Variants in LRRC58 observed in about 807,000 individuals in gnomAD.
LRRC58 encodes the protein leucine-rich repeat-containing protein 58.
In LRRC58, 18 loss-of-function variants were observed where a neutral mutation model predicts 30.6. The ratio of observed to expected loss-of-function variants is 0.59; its 90% CI spans 0.41 to 0.87. The LOEUF is 0.87. Ranked by LOEUF, LRRC58 falls within the 40% of genes least tolerant of loss-of-function variation. LRRC58 has a pLI of 0.00. For missense variants in LRRC58, 420 were observed against 468.4 expected, an observed-to-expected ratio of 0.90 and a Z score of 0.95; for synonymous variants, 221 against 206.0, an observed-to-expected ratio of 1.07 and a Z score of -0.62.
rs923844110 is a variant in LRRC58, at chr3:120,329,536, C to G, written c.*1664G>C. On this transcript the variant is annotated 3_prime_UTR_variant, in exon 4 of 4. Coordinates refer to ENST00000295628, the MANE Select transcript of LRRC58 (RefSeq NM_001099678.2). ...ATTCTATAGCAGCGTTTCACATCTG[C>G]AGTTCATGAAACTCTCATGTTTCAT... is the stretch of plus-strand genomic sequence containing the variant. 6.6e-6 allele frequency: 1 copy of G among 151,936 alleles called. No homozygotes were observed. Among genetic ancestry groups the G allele is most frequent in the Non-Finnish European group, 1.5e-5 (1 of 67,908 alleles). The allele number at this position is 151,936 out of a possible 1,614,324, so 9.4% of individuals were successfully genotyped here.
At chr3:120,334,790 G>A (rs535231874) in intron 3 of LRRC58, 72 bp downstream of exon 3, 7 of 1,340,026 alleles carry the variant, frequency 5.2e-6, no homozygotes, top group Non-Finnish European at 5.0e-6. Context: ...GACTGCTTTT[G>A]TCTGAAAGAA....
intron 1 of LRRC58, among the ~76,000 whole-genome samples, chr3:120,342,415 C>G (rs1011917320): frequency 1.3e-5 from 2 of 152,182 alleles, no homozygotes; most frequent in Admixed American, 6.5e-5. Context: ...ATGGGGTGAC[C>G]AGCTGCAGAG....
chr3:120,338,422 TTC>T (rs1366581418), intron 1 of LRRC58, among the ~76,000 whole-genome samples: 2 of 152,216 alleles, frequency 1.3e-5, no homozygotes, highest in Non-Finnish European at 2.9e-5. Context: ...TAAGTTCAAG[TTC>T]TTGACCTGAA....
chr3:120,332,387 GTAGTTTT>G (rs1211328655), intron 3 of LRRC58, among the ~76,000 whole-genome samples: 1 of 152,116 alleles, frequency 6.6e-6, no homozygotes, highest in Non-Finnish European at 1.5e-5. Flanking sequence ...AACTAACCAT[GTAGTTTT>G]TTTTTGATCT....
intron 1 of LRRC58, among the ~76,000 whole-genome samples, chr3:120,343,859 G>A (rs1031503597): frequency 1.1e-4 from 16 of 151,900 alleles, no homozygotes; most frequent in Non-Finnish European, 1.9e-4. Context: ...GTGAAACCCC[G>A]TCTCTACTGA....
intron 1 of LRRC58, among the ~76,000 whole-genome samples, chr3:120,344,574 T>A (rs961143060): frequency 6.6e-6 from 1 of 152,244 alleles, no homozygotes; most frequent in Non-Finnish European, 1.5e-5. Context: ...CACACCCTCC[T>A]ATCTCAATCT....
chr3:120,331,682 G>A (rs751987385), intron 3 of LRRC58, among the ~76,000 whole-genome samples: 2 of 152,134 alleles, frequency 1.3e-5, no homozygotes, highest in Non-Finnish European at 2.9e-5. Flanking sequence ...TGGGAGACTT[G>A]GGGCAATGGC....
chr3:120,349,081 G>C lies in LRRC58; in HGVS notation c.163C>G (p.Arg55Gly). The C allele has an allele frequency of 6.6e-7, 1 of 1,516,558 alleles. No individual in the cohort carries two copies. Among genetic ancestry groups the C allele is most frequent in the Non-Finnish European group, 8.8e-7 (1 of 1,140,870 alleles). The allele number at this position is 1,516,558 out of a possible 1,614,324, so 93.9% of individuals were successfully genotyped here. ...AGCGCCCGTGGCAGCGACACCAGAC[G>C]GTTGTGAGGCAGCAGCAGCCGCAGC... ...ALLRLLLPHN[R>G]LVSLPRALGS... The change falls in exon 1 of 4, where the codon CGT (arginine) becomes GGT (glycine). Residue 55 changes from arginine to glycine, a missense_variant. Coordinates refer to ENST00000295628, the MANE Select transcript of LRRC58 (RefSeq NM_001099678.2).
Position 120,338,203 on chromosome 3 carries a change from G to T in LRRC58, c.501-2250C>A, listed in dbSNP as rs529998727. 1.6e-4 allele frequency among the ~76,000 whole-genome samples: 24 copies of T among 152,154 alleles called. 1 individual carries two copies. In the South Asian group the frequency reaches 2.5e-3, roughly 16 times the overall value. On this transcript the variant is annotated intron_variant, in intron 1 of 3. Transcript: ENST00000295628. Reference sequence around the variant, plus strand: ...TCTATGTCCTCTGATTATCAACACTGCTTACCAGTTTTATTTTTGTTGGTA... The same window carrying T: ...TCTATGTCCTCTGATTATCAACACTTCTTACCAGTTTTATTTTTGTTGGTA...
In LRRC58 at chr3:120,327,338, G is replaced by A. The variant is rs1032578291; in HGVS notation, c.*3862C>T. The stretch of plus-strand genomic sequence containing the variant: ...GCAATCTCGGCTCACTGCAAGCTCC[G>A]CCTCCCGGGTTCACGCCATTCTCTT... On this transcript the variant is annotated 3_prime_UTR_variant, in exon 4 of 4. Coordinates refer to ENST00000295628, the MANE Select transcript of LRRC58 (RefSeq NM_001099678.2). The A allele has an allele frequency of 1.5e-5, 2 of 137,374 alleles. No individual in the cohort carries two copies. Among genetic ancestry groups the A allele is most frequent in the Non-Finnish European group, 3.0e-5 (2 of 65,704 alleles). The allele number at this position is 137,374 out of a possible 1,614,324, so 8.5% of individuals were successfully genotyped here.
At chr3:120,336,658 T>G (rs1280529906) in intron 1 of LRRC58, among the ~76,000 whole-genome samples, 1 of 151,982 alleles carries the variant, frequency 6.6e-6, no homozygotes, top group Non-Finnish European at 1.5e-5. Flanking sequence ...TGTCCACTAC[T>G]ATAAAATCAA....
At chr3:120,343,251 C>T (rs952255333) in intron 1 of LRRC58, among the ~76,000 whole-genome samples, 1 of 152,176 alleles carries the variant, frequency 6.6e-6, no homozygotes, top group African/African-American at 2.4e-5. Context: ...TTATTTTTTA[C>T]TTTCTAACTC....
intron 1 of LRRC58, among the ~76,000 whole-genome samples, chr3:120,336,584 G>T (rs898433257): frequency 1.3e-5 from 2 of 152,106 alleles, no homozygotes; most frequent in Non-Finnish European, 2.9e-5. Flanking sequence ...GTAAAACTAT[G>T]AAGTCTCTAC....
At chr3:120,331,536 G>C in intron 3 of LRRC58, 128 bp from the exon 4 acceptor site, 1 of 724,136 alleles carries the variant, frequency 1.4e-6, no homozygotes, top group South Asian at 1.8e-5. Context: ...AGCAGAAGTA[G>C]TACTTGCTTG....
intron 1 of LRRC58, among the ~76,000 whole-genome samples, chr3:120,340,103 C>A (rs765971348): frequency 1.3e-5 from 2 of 152,272 alleles, no homozygotes; most frequent in East Asian, 1.9e-4. Flanking sequence ...TCATGATACG[C>A]CCACTTTGGC....
rs766915471 is a variant in LRRC58, at chr3:120,335,089, A to G, written c.680T>C (p.Leu227Pro). The G allele has an allele frequency of 2.5e-6, 4 of 1,613,966 alleles. No homozygotes were observed. The South Asian group carries it at 4.4e-5, about 18-fold the overall frequency. The change falls in exon 3 of 4, where the codon CTG becomes CCG. Residue 227 changes from leucine (L) to proline (P), a missense_variant. Leu to Pro is a moderately conservative substitution (Grantham distance 98, BLOSUM62 -3). Coordinates refer to ENST00000295628, the MANE Select transcript of LRRC58 (RefSeq NM_001099678.2). The part of the protein sequence containing the change: ...LSLHNNLLTY[L>P]PREILNLIHL... ...AATAAGGTTGAGGATCTCTCGAGGC[A>G]GATATGTCAGCAAGTTATTGTGAAG...
Position 120,329,304 on chromosome 3 carries a change from C to A in LRRC58, c.*1896G>T, listed in dbSNP as rs1935722599. Reference sequence around the variant, plus strand: ...CACAGCCTAAGTCATCTTTACCTTTCATAACTGTACAGTCTGCAGCTTGCT... The same window carrying A: ...CACAGCCTAAGTCATCTTTACCTTTAATAACTGTACAGTCTGCAGCTTGCT... On this transcript the variant is annotated 3_prime_UTR_variant, in exon 4 of 4. Transcript: ENST00000295628. The A allele has an allele frequency of 6.6e-6, 1 of 152,090 alleles. No individual in the cohort carries two copies. Among genetic ancestry groups the A allele is most frequent in the Non-Finnish European group, 1.5e-5 (1 of 67,954 alleles). The allele number at this position is 152,090 out of a possible 1,614,324, so 9.4% of individuals were successfully genotyped here.
At position 120,329,548 on chromosome 3, in the gene LRRC58, C is replaced by T. The variant is rs1935725289; in HGVS notation, c.*1652G>A. On this transcript the variant is annotated 3_prime_UTR_variant, in exon 4 of 4. Coordinates refer to ENST00000295628, the MANE Select transcript of LRRC58 (RefSeq NM_001099678.2). The stretch of plus-strand genomic sequence containing the variant: ...CGTTTCACATCTGCAGTTCATGAAA[C>T]TCTCATGTTTCATGAATTAATATAC... The T allele has an allele frequency of 6.6e-6, 1 of 151,954 alleles. No homozygotes were observed. Among genetic ancestry groups the T allele is most frequent in the Non-Finnish European group, 1.5e-5 (1 of 67,908 alleles). 9.4% of individuals were successfully genotyped at this position (151,954 alleles called of 1,614,324 possible). A position where few individuals can be genotyped will look rare whatever the true frequency, so the allele number is the denominator to read the frequency against.
At chr3:120,348,641 T>G (rs890464473) in intron 1 of LRRC58, 103 bp downstream of exon 1, 2 of 1,325,654 alleles carry the variant, frequency 1.5e-6, no homozygotes, top group South Asian at 1.6e-5. Flanking sequence ...AGAGAAAGCT[T>G]GGAAATAGTT....
Sources: gnomAD v4.1 joint callset for allele counts (sites outside exome capture counted in the v4.1 genomes callset) on GRCh38, gnomAD v4.1.1 for gene constraint, MANE v1.5 for transcripts, NCBI Gene and HGNC (gene_info 2026-07-23, HGNC 2026-07-21) for gene names.